Variants in PIK3C2G observed in about 807,000 individuals in gnomAD.
PIK3C2G encodes phosphatidylinositol-4-phosphate 3-kinase catalytic subunit type 2 gamma.
A neutral mutation model predicts 181.1 loss-of-function variants in PIK3C2G; 168 were observed. The observed-to-expected ratio is 0.93, with a 90% CI of 0.82 to 1.05. PIK3C2G has a LOEUF of 1.05. Among genes scored for constraint, PIK3C2G ranks in the 50% least tolerant of loss-of-function variants. The pLI is 0.00. For missense variants in PIK3C2G, 1,869 were observed against 1,732.8 expected (o/e 1.08, Z -1.40); for synonymous variants, 573 against 592.2 (o/e 0.97, Z 0.47).
intron 31 of PIK3C2G, among the ~76,000 whole-genome samples, chr12:18,624,398 A>G (rs990918244): frequency 3.4e-4 from 51 of 151,944 alleles, no homozygotes; most frequent in Non-Finnish European, 1.0e-4. Flanking sequence ...TTCGTCGTCA[A>G]TGATCCTTTT....
At chr12:18,436,279 C>T (rs1236258063) in intron 18 of PIK3C2G, among the ~76,000 whole-genome samples, 7 of 151,986 alleles carry the variant, frequency 4.6e-5, no homozygotes, top group African/African-American at 9.7e-5. Context: ...TTTCCATAAA[C>T]CCCAAAGCTG....
At chr12:18,274,574 G>A (rs1283007863) in intron 1 of PIK3C2G, among the ~76,000 whole-genome samples, 1 of 152,022 alleles carries the variant, frequency 6.6e-6, no homozygotes, top group East Asian at 1.9e-4. Context: ...AACACCGCAT[G>A]TTCTCACTTA....
At chr12:18,246,936 A>G (rs1288276675), upstream of PIK3C2G, among the ~76,000 whole-genome samples, 1 of 152,196 alleles carries the variant, frequency 6.6e-6, no homozygotes, top group Admixed American at 6.6e-5. Context: ...TATAACGAGA[A>G]TAATTTATGT....
At chr12:18,555,468 C>T (rs1021129717) in intron 26 of PIK3C2G, among the ~76,000 whole-genome samples, 1 of 152,138 alleles carries the variant, frequency 6.6e-6, no homozygotes, top group African/African-American at 2.4e-5. Flanking sequence ...TGCCCATTCA[C>T]ACACACAGTG....
intron 26 of PIK3C2G, among the ~76,000 whole-genome samples, chr12:18,550,826 A>G (rs1295349011): frequency 1.3e-5 from 2 of 152,082 alleles, no homozygotes; most frequent in African/African-American, 4.8e-5. Context: ...CATCTGAGAC[A>G]TAACATATGT....
At chr12:18,407,787 G>A (rs60927575) in intron 16 of PIK3C2G, among the ~76,000 whole-genome samples, 16,901 of 152,110 alleles carry the variant, frequency 0.11, 1,290 homozygotes, top group Admixed American at 0.27. Context: ...AAGATTAAGA[G>A]AAGGATTTTC....
chr12:18,329,423 G>T (rs1591970737), intron 8 of PIK3C2G, among the ~76,000 whole-genome samples: 1 of 151,856 alleles, frequency 6.6e-6, no homozygotes, highest in East Asian at 1.9e-4. Context: ...TTGATGAAAA[G>T]GATTTTGTAG....
intron 24 of PIK3C2G, among the ~76,000 whole-genome samples, chr12:18,529,961 G>T (rs1943457484): frequency 6.6e-6 from 1 of 152,134 alleles, no homozygotes; most frequent in Non-Finnish European, 1.5e-5. Context: ...TCTGTTCTAT[G>T]CACAGCAGCC....
At chr12:18,710,506 T>C in the PIK3C2G span, among the ~76,000 whole-genome samples, 568 of 152,086 alleles carry the variant, frequency 3.7e-3, 7 homozygotes, top group Admixed American at 3.0e-3. Context: ...AGCTTTTATT[T>C]TGAGTGAGGC....
At chr12:18,653,177 C>G (rs1950593255), downstream of PIK3C2G, among the ~76,000 whole-genome samples, 1 of 152,038 alleles carries the variant, frequency 6.6e-6, no homozygotes, top group Non-Finnish European at 1.5e-5. Context: ...TAGCAGAGAC[C>G]CACTCCCAGC....
At chr12:18,457,708 T>C (rs568740406) in intron 18 of PIK3C2G, among the ~76,000 whole-genome samples, 11 of 152,154 alleles carry the variant, frequency 7.2e-5, no homozygotes, top group Non-Finnish European at 1.3e-4. Flanking sequence ...ACATCTTTTA[T>C]TCTAGACTCT....
chr12:18,326,734 A>G (rs540761832), intron 8 of PIK3C2G, among the ~76,000 whole-genome samples: 165 of 152,250 alleles, frequency 1.1e-3, no homozygotes, highest in African/African-American at 3.7e-3. Context: ...GCCTTGTGAG[A>G]GTCATTCTTT....
At chr12:18,494,540 C>T (rs932525135) in intron 20 of PIK3C2G, among the ~76,000 whole-genome samples, 3 of 151,786 alleles carry the variant, frequency 2.0e-5, no homozygotes, top group Non-Finnish European at 4.4e-5. Context: ...AAATATATAC[C>T]GCACATGAAA....
the PIK3C2G span, chr12:18,723,562 T>C: frequency 1.3e-6 from 2 of 1,565,262 alleles, no homozygotes; most frequent in African/African-American, 2.7e-5. Flanking sequence ...AAATGACTGG[T>C]GGGCTCACAT....
At chr12:18,417,621 A>G (rs1945254289) in intron 16 of PIK3C2G, among the ~76,000 whole-genome samples, 1 of 152,158 alleles carries the variant, frequency 6.6e-6, no homozygotes, top group African/African-American at 2.4e-5. Context: ...GGCTTAGTTT[A>G]TTGTTAGCAT....
intron 1 of PIK3C2G, among the ~76,000 whole-genome samples, chr12:18,262,418 A>C (rs1396674696): frequency 6.6e-6 from 1 of 152,016 alleles, no homozygotes; most frequent in African/African-American, 2.4e-5. Flanking sequence ...CATACCCCTC[A>C]TGTCATTAAT....
At chr12:18,600,806 A>G (rs954804684) in intron 30 of PIK3C2G, among the ~76,000 whole-genome samples, 1 of 152,134 alleles carries the variant, frequency 6.6e-6, no homozygotes, top group African/African-American at 2.4e-5. Flanking sequence ...ATGCTTCAAA[A>G]TGCAAGCAAA....
intron 6 of PIK3C2G, among the ~76,000 whole-genome samples, chr12:18,318,877 C>T (rs1591938266): frequency 1.3e-5 from 2 of 151,218 alleles, no homozygotes; most frequent in African/African-American, 2.4e-5. Context: ...GGCAGATCAC[C>T]TGAGGTCAGA....
At chr12:18,611,293 C>T (rs1473407752) in intron 31 of PIK3C2G, among the ~76,000 whole-genome samples, 1 of 152,068 alleles carries the variant, frequency 6.6e-6, no homozygotes, top group African/African-American at 2.4e-5. Context: ...CCATGAGAAC[C>T]TCTATAATAC....
Sources: gnomAD v4.1 joint callset for allele counts (sites outside exome capture counted in the v4.1 genomes callset) on GRCh38, gnomAD v4.1.1 for gene constraint, MANE v1.5 for transcripts, NCBI Gene and HGNC (gene_info 2026-07-23, HGNC 2026-07-21) for gene names.